SUN2: variants seen among roughly 807,000 people sequenced by gnomAD.
SUN2 encodes the protein SUN domain-containing protein 2.
SUN2 carries 60 observed loss-of-function variants against 100.0 expected under a neutral mutation model. That is an observed-to-expected ratio of 0.60 (90% CI 0.49 to 0.74). The LOEUF is 0.74. Among genes scored for constraint, SUN2 ranks in the 30% least tolerant of loss-of-function variants. The probability of loss-of-function intolerance (pLI) is 0.00; values close to 1 mark genes in which losing one functional copy is unlikely to be tolerated. For missense variants in SUN2, 834 were observed against 954.6 expected (o/e 0.87, Z 1.66); for synonymous variants, 367 against 403.3 (o/e 0.91, Z 1.08).
At chr22:38,736,401 T>G in intron 17 of SUN2, 21 bp from the exon 18 acceptor site, 2 of 1,596,746 alleles carry the variant, frequency 1.3e-6, no homozygotes, top group Non-Finnish European at 1.7e-6. Context: ...AAGAAAGGGA[T>G]TAAGAGCATC....
rs1424656091 is a variant in SUN2, at chr22:38,737,672, A to G, written c.2040+501T>C. 5.7e-6 allele frequency: 2 copies of G among 351,162 alleles called. No individual in the cohort carries two copies. Among genetic ancestry groups the G allele is most frequent in the South Asian group, 2.1e-5 (1 of 46,662 alleles). The allele number at this position is 351,162 out of a possible 1,614,324, so 21.8% of individuals were successfully genotyped here. On this transcript the variant is annotated intron_variant, in intron 17 of 17. Coordinates refer to ENST00000689035, the MANE Select transcript of SUN2 (RefSeq NM_015374.3). The surrounding 1 kb of genome is among the most constrained non-coding windows in gnomAD (Gnocchi z 4.1). Reference sequence around the variant, plus strand: ...CTCCCCCGGTGTGGGGCTTAGGCCAATGGTTTGTTCAAATGCAGGCTCCTG... The same window carrying G: ...CTCCCCCGGTGTGGGGCTTAGGCCAGTGGTTTGTTCAAATGCAGGCTCCTG...
At chr22:38,750,518 T>A in intron 4 of SUN2, 198 bp from the exon 5 acceptor site, 1 of 1,210,800 alleles carries the variant, frequency 8.3e-7, no homozygotes, top group Non-Finnish European at 1.1e-6. Context: ...TTTGCATCCC[T>A]CTCCTCACCA....
intron 6 of SUN2, 134 bp downstream of exon 6, chr22:38,749,632 C>G: frequency 1.2e-6 from 1 of 802,004 alleles, no homozygotes; most frequent in Non-Finnish European, 2.0e-6. Flanking sequence ...GAAGCTACTC[C>G]GTGATCGCTA....
chr22:38,737,391 C>T lies in SUN2; in HGVS notation c.2040+782G>A, dbSNP rs189689030. Among the ~76,000 whole-genome samples the T allele has an allele frequency of 2.6e-3, 403 of 152,264 alleles. 2 individuals are homozygous for T. The highest frequency in any genetic ancestry group is 9.4e-3 in the African/African-American group (389 of 41,556). ...GCTACGTCTTTGTCCTCACTCCCAA[C>T]GCCCCTCTCCCCCACCTATCCTGTT... is the stretch of plus-strand genomic sequence containing the variant. On this transcript the variant is annotated intron_variant, in intron 17 of 17. Coordinates refer to ENST00000689035, the MANE Select transcript of SUN2 (RefSeq NM_015374.3). The surrounding 1 kb of genome is among the most constrained non-coding windows in gnomAD (Gnocchi z 4.1).
rs745854540 is a variant in SUN2, at chr22:38,738,271, AAGAG to A, written c.1948-10_1948-7del. The stretch of plus-strand genomic sequence containing the variant: ...TGCAGGTCTTCGTCAAACCCCTGCA[AAGAG>A]AGCGGAGGGAAGTGGGGAGGGGCTG... On this transcript the variant is annotated splice_region_variant and splice_polypyrimidine_tract_variant and intron_variant, in intron 16 of 17. Coordinates refer to ENST00000689035, the MANE Select transcript of SUN2 (RefSeq NM_015374.3). This position sits in a 1 kb window ranked among gnomAD's most constrained non-coding sequence, Gnocchi z 6.6. 6.8e-6 allele frequency: 11 copies of A among 1,612,680 alleles called. No individual in the cohort carries two copies. Among genetic ancestry groups the A allele is most frequent in the Non-Finnish European group, 9.3e-6 (11 of 1,179,164 alleles).
At chr22:38,747,471 T>C (rs2092913266) in intron 7 of SUN2, among the ~76,000 whole-genome samples, 1 of 152,198 alleles carries the variant, frequency 6.6e-6, no homozygotes. Flanking sequence ...ACCCTGTTAT[T>C]AATAAAAGAA....
intron 8 of SUN2, among the ~76,000 whole-genome samples, chr22:38,744,441 C>T (rs1212363662): frequency 6.6e-6 from 1 of 151,798 alleles, no homozygotes; most frequent in Non-Finnish European, 1.5e-5. Context: ...ATTTGACAGA[C>T]ATGGTGGTGT....
chr22:38,746,610 T>G lies in SUN2; in HGVS notation c.686-799A>C, dbSNP rs138713. On this transcript the variant is annotated intron_variant, in intron 7 of 17. Coordinates refer to ENST00000689035, the MANE Select transcript of SUN2 (RefSeq NM_015374.3). The stretch of plus-strand genomic sequence containing the variant: ...AGCAGGTCACTGAGCCCCCTCCACG[T>G]GCATCTCCATGTGATGGGTTCACAG... Among the ~76,000 whole-genome samples the G allele has an allele frequency of 1.1e-3, 172 of 152,162 alleles. 1 individual carries two copies. The highest frequency in any genetic ancestry group is 4.0e-3 in the African/African-American group (166 of 41,512).
rs2145937494 is a variant in SUN2, at chr22:38,738,770, G to A, written c.1780-16C>T. On this transcript the variant is annotated splice_polypyrimidine_tract_variant and intron_variant, in intron 15 of 17. Coordinates refer to ENST00000689035, the MANE Select transcript of SUN2 (RefSeq NM_015374.3). The surrounding 1 kb of genome is among the most constrained non-coding windows in gnomAD (Gnocchi z 6.6). ...GCACATCTGGCTGGAGGAGCAGAAA[G>A]TCATGTCAGGACAGGGCCCTGAGTC... 1 of 1,612,352 alleles carries A rather than the reference G, an allele frequency of 6.2e-7. No homozygotes were observed. Among genetic ancestry groups the A allele is most frequent in the Non-Finnish European group, 8.5e-7 (1 of 1,179,228 alleles).
intron 4 of SUN2, 42 bp from the exon 5 acceptor site, chr22:38,750,362 G>C (rs375926523): frequency 9.9e-6 from 16 of 1,610,532 alleles, no homozygotes; most frequent in African/African-American, 1.3e-5. Context: ...TGTCACTTTC[G>C]AGCCTCTTCC....
rs150014549 is a variant in SUN2 at position 38,738,981 on chromosome 22, G to A, written c.1671C>T (p.Ser557=). The change falls in exon 15 of 18, where the codon AGC becomes AGT. Residue 557 remains serine, a synonymous_variant. Coordinates refer to ENST00000689035, the MANE Select transcript of SUN2 (RefSeq NM_015374.3). The surrounding 1 kb of genome is among the most constrained non-coding windows in gnomAD (Gnocchi z 6.6). ...ADYALESGGA[S]VISTRCSETY... is the part of the protein sequence containing the mutation. ...TCTCAGAACATCGGGTGCTGATGAC[G>A]CTGGCCCCTGAGACAGGAGAGGAAG... The A allele has an allele frequency of 1.0e-4, 169 of 1,609,562 alleles. 2 individuals carry two copies. Among genetic ancestry groups the A allele is most frequent in the South Asian group, 6.0e-4 (54 of 90,250 alleles).
At chr22:38,736,590 C>A (rs2092807365) in intron 17 of SUN2, 1 of 431,194 alleles carries the variant, frequency 2.3e-6, no homozygotes, top group Non-Finnish European at 4.1e-6. Flanking sequence ...ACCTGTAGCA[C>A]ACTTCATCTG....
rs1001825457 is a variant in SUN2 at position 38,742,225 on chromosome 22, C to T, written c.1068+76G>A. 7 of 1,498,498 alleles carry T rather than the reference C, an allele frequency of 4.7e-6. No homozygotes were observed. The African/African-American group carries it at 7.0e-5, about 15-fold the overall frequency. 92.8% of individuals were successfully genotyped at this position (1,498,498 alleles called of 1,614,324 possible). A position where few individuals can be genotyped will look rare whatever the true frequency, so the allele number is the denominator to read the frequency against. ...TGTCTGATCCCAAATGACACTTGTT[C>T]TCTCTGCTGCTGGGCACCTTCACGC... On this transcript the variant is annotated intron_variant, in intron 9 of 17. Transcript: ENST00000689035.
rs764150835 is a variant in SUN2, at chr22:38,742,438, G to T, written c.931C>A (p.Arg311=). The stretch of plus-strand genomic sequence containing the variant: ...CCTCCCTGGCCAGGAGCCCCTTGCC[G>T]CAGCTCCAGACGTTCCAGCCGCATG... ...EAMRLERLEL[R]QGAPGQGGGG... The change falls in exon 9 of 18, where the codon CGG becomes AGG. Residue 311 remains arginine, a synonymous_variant. Transcript: ENST00000689035. 2.5e-6 allele frequency: 4 copies of T among 1,613,390 alleles called. No homozygotes were observed. Among genetic ancestry groups the T allele is most frequent in the Non-Finnish European group, 3.4e-6 (4 of 1,180,010 alleles).
rs2092853134 is a variant in SUN2, at chr22:38,741,046, G to C, written c.1151C>G (p.Ser384Cys). 6.3e-7 allele frequency: 1 copy of C among 1,597,318 alleles called. No homozygotes were observed. The highest frequency in any genetic ancestry group is 1.3e-5 in the African/African-American group (1 of 74,642). Residue 384 changes from serine to cysteine, a missense_variant, in exon 11 of 18, where the codon TCC (serine) becomes TGC (cysteine). This residue lies in a region of SUN2 where 559 missense variants were observed against 597.7 expected (regional missense o/e 0.94). Coordinates refer to ENST00000689035, the MANE Select transcript of SUN2 (RefSeq NM_015374.3). ...CTTCAGCTGCTGGATGCGAGCCTCG[G>C]ACTCCTGTGTAGGAAGAAGGGACAA... ...FKKIVRASQE[S>C]EARIQQLKSE...
intron 9 of SUN2, 124 bp downstream of exon 9, chr22:38,742,177 G>A: frequency 1.6e-6 from 2 of 1,230,126 alleles, no homozygotes; most frequent in Non-Finnish European, 2.2e-6. Context: ...AAGAGAAAGG[G>A]AGTAACTGCA....
chr22:38,745,951 G>T, intron 7 of SUN2, 140 bp from the exon 8 acceptor site: 1 of 1,305,270 alleles, frequency 7.7e-7, no homozygotes, highest in Non-Finnish European at 1.0e-6. Context: ...GCATCAGAGG[G>T]ATGCAGGTGC....
At chr22:38,742,663 A>T in intron 8 of SUN2, 108 bp from the exon 9 acceptor site, 1 of 1,420,172 alleles carries the variant, frequency 7.0e-7, no homozygotes, top group Non-Finnish European at 9.4e-7. Context: ...AAGATTCCAG[A>T]GACGTTCCAG....
rs1168031630 is a variant in SUN2 at position 38,755,508 on chromosome 22, G to C, written c.-38+255C>G. ...AGTCGGCCTTTGCCCTCCTCCTCCC[G>C]GGAGGCTGCCCGGGAAGTCCCGCCC... On this transcript the variant is annotated intron_variant, in intron 1 of 17. Transcript: ENST00000689035. The surrounding 1 kb of genome is among the most constrained non-coding windows in gnomAD (Gnocchi z 5.7). The C allele has an allele frequency of 1.0e-6, 1 of 985,298 alleles. No homozygotes were observed. Among genetic ancestry groups the C allele is most frequent in the African/African-American group, 1.7e-5 (1 of 57,208 alleles). The allele number at this position is 985,298 out of a possible 1,614,324, so 61.0% of individuals were successfully genotyped here.
Sources: allele counts gnomAD v4.1 joint callset (sites outside exome capture counted in the v4.1 genomes callset), GRCh38; gene constraint gnomAD v4.1.1; regional missense constraint gnomAD v4.1.1; non-coding constraint Gnocchi (gnomAD v3.1); transcripts MANE v1.5; gene names NCBI Gene and HGNC (gene_info 2026-07-23, HGNC 2026-07-21).